Variants in HHIP observed in about 807,000 individuals in gnomAD.
HHIP encodes the protein hedgehog interacting protein.
Under a neutral mutation model 74.0 loss-of-function variants are expected in HHIP, and 12 were observed. That is an observed-to-expected ratio of 0.16 (90% CI 0.10 to 0.26). HHIP has a LOEUF of 0.26. Among genes scored for constraint, HHIP ranks in the 10% least tolerant of loss-of-function variants. The pLI, the probability that HHIP is intolerant of heterozygous loss-of-function variation, is 1.00. For missense variants in HHIP, 788 were observed against 845.0 expected (o/e 0.93, Z 0.84); for synonymous variants, 309 against 311.6 (o/e 0.99, Z 0.09).
intron 4 of HHIP, among the ~76,000 whole-genome samples, chr4:144,668,173 C>T (rs1242894741): frequency 1.3e-5 from 2 of 151,790 alleles, no homozygotes; most frequent in South Asian, 2.1e-4. Context: ...AAAAACTAGC[C>T]GGGTATGGTG....
At position 144,738,428 on chromosome 4, in the gene HHIP, G is replaced by A. The variant is rs200050161; in HGVS notation, c.*471G>A. On this transcript the variant is annotated 3_prime_UTR_variant, in exon 13 of 13. Transcript: ENST00000296575. ...TACTATACTAGGAGAGAATGTTTCA[G>A]AACTCCCTGATGAATTTCTAAGTGA... 12 of 970,302 alleles carry A rather than the reference G, an allele frequency of 1.2e-5. No individual in the cohort carries two copies. The South Asian group carries it at 4.8e-4, about 39-fold the overall frequency. The allele number at this position is 970,302 out of a possible 1,614,324, so 60.1% of individuals were successfully genotyped here. A position where few individuals can be genotyped will look rare whatever the true frequency, so the allele number is the denominator to read the frequency against.
intron 11 of HHIP, among the ~76,000 whole-genome samples, chr4:144,726,602 T>C (rs1385012198): frequency 2.0e-5 from 3 of 152,200 alleles, no homozygotes; most frequent in Admixed American, 2.0e-4. Flanking sequence ...TTCAAGTCTG[T>C]TCTGCTACAG....
At chr4:144,684,029 C>G (rs532011894) in intron 4 of HHIP, among the ~76,000 whole-genome samples, 1 of 149,844 alleles carries the variant, frequency 6.7e-6, no homozygotes, top group Non-Finnish European at 1.5e-5. Context: ...CACCACTGCA[C>G]TCCAGCCTGA....
At chr4:144,683,705 A>T (rs1263075256) in intron 4 of HHIP, among the ~76,000 whole-genome samples, 2 of 152,156 alleles carry the variant, frequency 1.3e-5, no homozygotes, top group Non-Finnish European at 2.9e-5. Flanking sequence ...TTTTATGGGA[A>T]CACAACCACA....
intron 2 of HHIP, among the ~76,000 whole-genome samples, chr4:144,653,345 G>T (rs1378920949): frequency 6.6e-6 from 1 of 152,044 alleles, no homozygotes; most frequent in African/African-American, 2.4e-5. Flanking sequence ...TCTCCAATTG[G>T]CAGATGAGGA....
At chr4:144,709,176 CTT>C (rs1428660571) in intron 7 of HHIP, among the ~76,000 whole-genome samples, 1 of 152,120 alleles carries the variant, frequency 6.6e-6, no homozygotes. Context: ...ATTTCTCAAA[CTT>C]TTTATTTTTA....
At chr4:144,694,660 C>A (rs1029833280) in intron 4 of HHIP, among the ~76,000 whole-genome samples, 1 of 151,572 alleles carries the variant, frequency 6.6e-6, no homozygotes, top group Admixed American at 6.6e-5. Flanking sequence ...ATTGTGATTT[C>A]TTTCTTCTAT....
intron 4 of HHIP, among the ~76,000 whole-genome samples, chr4:144,685,934 A>C (rs537671067): frequency 6.6e-6 from 1 of 152,134 alleles, no homozygotes; most frequent in African/African-American, 2.4e-5. Flanking sequence ...GTTCTGTTTG[A>C]CCTTTGTATA....
Position 144,652,672 on chromosome 4 carries a change from C to T in HHIP, c.347C>T (p.Ser116Phe). 1 of 1,610,256 alleles carries T rather than the reference C, an allele frequency of 6.2e-7. No homozygotes were observed. Among genetic ancestry groups the T allele is most frequent in the Non-Finnish European group, 8.5e-7 (1 of 1,176,704 alleles). ...LLEEIKCALC[S>F]PHSQSLFHSP... ...GAGGAAATCAAATGTGCACTTTGCT[C>T]TCCACATTCTCAAAGCCTGTTCCAC... Residue 116 changes from serine to phenylalanine, a missense_variant, in exon 2 of 13, where the codon TCT becomes TTT. Ser to Phe is a radical substitution (Grantham distance 155). Transcript: ENST00000296575.
Position 144,738,062 on chromosome 4 carries a change from C to T in HHIP, c.*105C>T, listed in dbSNP as rs201357333. ...TGCTACACACTCCTGTGATTTCATT[C>T]TCTTTTATTAATTTAAAAATAATTT... On this transcript the variant is annotated 3_prime_UTR_variant, in exon 13 of 13. Transcript: ENST00000296575. The T allele has an allele frequency of 5.0e-6, 7 of 1,387,930 alleles. No individual in the cohort carries two copies. The South Asian group carries it at 9.5e-5, about 19-fold the overall frequency. 86.0% of individuals were successfully genotyped at this position (1,387,930 alleles called of 1,614,324 possible). A position where few individuals can be genotyped will look rare whatever the true frequency, so the allele number is the denominator to read the frequency against.
intron 1 of HHIP, among the ~76,000 whole-genome samples, chr4:144,651,183 A>C (rs564490481): frequency 2.0e-5 from 3 of 152,234 alleles, no homozygotes; most frequent in Admixed American, 6.5e-5. Flanking sequence ...CTAAGTGTGT[A>C]GTGTATGTTT....
chr4:144,707,129 T>C lies in HHIP; in HGVS notation c.1026T>C (p.Phe342=), dbSNP rs754914587. 6.2e-7 allele frequency: 1 copy of C among 1,614,136 alleles called. No individual in the cohort carries two copies. The change falls in exon 6 of 13, where the codon TTT becomes TTC. Residue 342 remains phenylalanine (F), a synonymous_variant. Transcript: ENST00000296575. The part of the protein sequence containing the change: ...HQVDLRTARV[F]LEVAELHRKH... ...TTGATTTGAGAACAGCCAGAGTCTT[T>C]CTTGAAGTTGCAGAACTCCACAGAA...
chr4:144,707,304 G>C (rs767574761), intron 6 of HHIP, 44 bp downstream of exon 6: 1 of 1,477,732 alleles, frequency 6.8e-7, no homozygotes, highest in Non-Finnish European at 9.1e-7. Context: ...GGTTAAAATA[G>C]TTTAAGTGCC....
At chr4:144,736,459 T>C (rs1731124619) in intron 12 of HHIP, among the ~76,000 whole-genome samples, 1 of 152,162 alleles carries the variant, frequency 6.6e-6, no homozygotes, top group African/African-American at 2.4e-5. Context: ...AGTAACAGAA[T>C]ATAACATAAA....
In HHIP at chr4:144,738,363, T is replaced by A. The variant is rs1731179895; in HGVS notation, c.*406T>A. The A allele has an allele frequency of 1.0e-6, 1 of 978,626 alleles. No homozygotes were observed. The highest frequency in any genetic ancestry group is 1.2e-6 in the Non-Finnish European group (1 of 823,464). 60.6% of individuals were successfully genotyped at this position (978,626 alleles called of 1,614,324 possible). ...TTTGAAACAGTACTGTGCAATCCGA[T>A]GGATCTAATTAAAAAAAAGGCAATA... On this transcript the variant is annotated 3_prime_UTR_variant, in exon 13 of 13. Coordinates refer to ENST00000296575, the MANE Select transcript of HHIP (RefSeq NM_022475.3).
intron 7 of HHIP, among the ~76,000 whole-genome samples, chr4:144,711,492 A>G (rs1026993489): frequency 4.0e-5 from 6 of 151,426 alleles, no homozygotes; most frequent in Non-Finnish European, 5.9e-5. Context: ...GTCCCCCTGC[A>G]CCCCGCCCCC....
intron 12 of HHIP, among the ~76,000 whole-genome samples, chr4:144,736,597 T>C (rs1352766161): frequency 6.6e-6 from 1 of 152,174 alleles, no homozygotes; most frequent in East Asian, 1.9e-4. Flanking sequence ...GCACTATATA[T>C]ACCTTAATAG....
chr4:144,650,531 C>T (rs140819655), intron 1 of HHIP: 8 of 152,168 alleles, frequency 5.3e-5, no homozygotes, highest in African/African-American at 1.7e-4. Context: ...AATTACCCTA[C>T]ACACACCCAG....
chr4:144,657,160 G>C (rs1728580682), intron 2 of HHIP, among the ~76,000 whole-genome samples: 1 of 152,078 alleles, frequency 6.6e-6, no homozygotes, highest in Non-Finnish European at 1.5e-5. Context: ...CAAAAGTTAG[G>C]TCAAAATGTA....
Sources: allele counts gnomAD v4.1 joint callset (sites outside exome capture counted in the v4.1 genomes callset), GRCh38; gene constraint gnomAD v4.1.1; transcripts MANE v1.5; gene names NCBI Gene and HGNC (gene_info 2026-07-23, HGNC 2026-07-21).